Variants in SCGN observed in about 807,000 individuals in gnomAD.
The protein encoded by SCGN is secretagogin.
Under a neutral mutation model 39.7 loss-of-function variants are expected in SCGN, and 30 were observed. The ratio of observed to expected loss-of-function variants is 0.76; its 90% CI spans 0.57 to 1.03. The LOEUF (loss-of-function observed/expected upper bound fraction) is 1.03, where lower values mean the gene tolerates loss of function less well. Ranked by LOEUF, SCGN falls within the 50% of genes least tolerant of loss-of-function variation. SCGN has a pLI of 0.00. For synonymous variants in SCGN, 106 were observed against 114.1 expected, an observed-to-expected ratio of 0.93 and a Z score of 0.45; for missense variants, 353 against 349.4, an observed-to-expected ratio of 1.01 and a Z score of -0.08.
chr6:25,669,106 G>T (rs1759453163), intron 4 of SCGN, among the ~76,000 whole-genome samples: 1 of 65,604 alleles, frequency 1.5e-5, no homozygotes. Context: ...GCGAGACTCC[G>T]TCTCAAAAAA....
chr6:25,654,466 T>TCTG (rs1009909373), intron 2 of SCGN, among the ~76,000 whole-genome samples: 1 of 152,198 alleles, frequency 6.6e-6, no homozygotes, highest in Non-Finnish European at 1.5e-5. Flanking sequence ...CTGTCATTTT[T>TCTG]CTGCTCACTT....
rs1311541076 is a variant in SCGN at position 25,701,362 on chromosome 6, TA to T, written c.*28del. On this transcript the variant is annotated 3_prime_UTR_variant, in exon 11 of 11. Coordinates refer to ENST00000377961, the MANE Select transcript of SCGN (RefSeq NM_006998.4). ...CCCAGACTGCTTTGCCTTTTGCTCT[TA>T]CTATGTTTCTGTGATCTTGCTGGTA... The T allele has an allele frequency of 6.2e-7, 1 of 1,603,062 alleles. No homozygotes were observed. Among genetic ancestry groups the T allele is most frequent in the Admixed American group, 1.7e-5 (1 of 58,402 alleles).
intron 7 of SCGN, among the ~76,000 whole-genome samples, chr6:25,688,799 C>G: frequency 1.8e-5 from 1 of 57,016 alleles, no homozygotes; most frequent in Non-Finnish European, 4.3e-5. Context: ...GAGATTCTGT[C>G]TCAAAAAAAA....
chr6:25,660,119 G>T (rs114473411), intron 2 of SCGN, among the ~76,000 whole-genome samples: 1 of 152,126 alleles, frequency 6.6e-6, no homozygotes, highest in Non-Finnish European at 1.5e-5. Context: ...TGCCTCCCAG[G>T]GCCGTTGTGA....
intron 6 of SCGN, among the ~76,000 whole-genome samples, chr6:25,672,446 G>C (rs1759512575): frequency 6.6e-6 from 1 of 152,192 alleles, no homozygotes; most frequent in Admixed American, 6.5e-5. Flanking sequence ...TTTGGGGTAG[G>C]GGACTGGGAA....
chr6:25,693,814 A>T (rs1229857077), intron 10 of SCGN, among the ~76,000 whole-genome samples: 1 of 152,188 alleles, frequency 6.6e-6, no homozygotes, highest in African/African-American at 2.4e-5. Flanking sequence ...CGAGCTAAGA[A>T]TTCGGATTCT....
intron 2 of SCGN, among the ~76,000 whole-genome samples, chr6:25,658,059 A>G (rs1760260643): frequency 1.5e-5 from 1 of 68,722 alleles, no homozygotes; most frequent in Non-Finnish European, 2.7e-5. Flanking sequence ...TTTTTTTTTG[A>G]GAGGGAGTGT....
rs1460200805 is a variant in SCGN, at chr6:25,691,066, G to C, written c.644G>C (p.Gly215Ala). The change falls in exon 10 of 11, where the codon GGA (glycine) becomes GCA (alanine). Residue 215 changes from glycine (G) to alanine (A), a missense_variant. Gly to Ala is a moderately conservative substitution (Grantham distance 60). Coordinates refer to ENST00000377961, the MANE Select transcript of SCGN (RefSeq NM_006998.4). ...IFAYYDVSKT[G>A]ALEGPEVDGF... Reference sequence around the variant, plus strand: ...TCTTTTCTTTTTCAGAGTAAAACAGGAGCCCTGGAAGGCCCAGAAGTGGAT... The same window carrying C: ...TCTTTTCTTTTTCAGAGTAAAACAGCAGCCCTGGAAGGCCCAGAAGTGGAT... The C allele has an allele frequency of 6.2e-7, 1 of 1,613,388 alleles. No individual in the cohort carries two copies. The highest frequency in any genetic ancestry group is 8.5e-7 in the Non-Finnish European group (1 of 1,179,632).
intron 4 of SCGN, among the ~76,000 whole-genome samples, chr6:25,666,177 TAAAAAA>T (rs59692433): frequency 8.0e-6 from 1 of 124,586 alleles, no homozygotes. Flanking sequence ...CCATCTCTAC[TAAAAAA>T]AAAAAAAAAA....
At position 25,670,087 on chromosome 6, in the gene SCGN, AGTAAT is replaced by A. The variant is rs779818967; in HGVS notation, c.471+17_471+21del. On this transcript the variant is annotated intron_variant, in intron 6 of 10. Coordinates refer to ENST00000377961, the MANE Select transcript of SCGN (RefSeq NM_006998.4). Reference sequence around the variant, plus strand: ...TACACTGGCACCATGGTAAGTAATGAGTAATGTAATCTCCATGAGGGCAGCTCCCC... The same window carrying A: ...TACACTGGCACCATGGTAAGTAATGAGTAATCTCCATGAGGGCAGCTCCCC... 6.3e-7 allele frequency: 1 copy of A among 1,591,248 alleles called. No homozygotes were observed. The highest frequency in any genetic ancestry group is 1.1e-5 in the South Asian group (1 of 90,612).
At chr6:25,664,192 T>C (rs977727736) in intron 3 of SCGN, among the ~76,000 whole-genome samples, 1 of 152,224 alleles carries the variant, frequency 6.6e-6, no homozygotes. Context: ...GAATTCATCA[T>C]ACTTGAGTCA....
At chr6:25,694,430 G>A (rs534314505) in intron 10 of SCGN, among the ~76,000 whole-genome samples, 2 of 152,270 alleles carry the variant, frequency 1.3e-5, no homozygotes, top group South Asian at 2.1e-4. Flanking sequence ...GATCAGCCTC[G>A]TTCTTCAATG....
intron 10 of SCGN, 47 bp from the exon 11 acceptor site, chr6:25,701,160 G>A: frequency 6.3e-7 from 1 of 1,575,538 alleles, no homozygotes; most frequent in Non-Finnish European, 8.6e-7. Context: ...TAAAGGGTGA[G>A]AACACCATTG....
intron 6 of SCGN, among the ~76,000 whole-genome samples, chr6:25,675,832 C>G (rs1759557097): frequency 6.6e-6 from 1 of 152,206 alleles, no homozygotes; most frequent in Non-Finnish European, 1.5e-5. Context: ...CACTCTCACT[C>G]TTGGTGATCT....
In SCGN at chr6:25,652,443, G is replaced by A. The variant is rs1411597368; in HGVS notation, c.40G>A (p.Ala14Thr). ...SREPTLGRLD[A>T]AGFWQVWQRF... is the part of the protein sequence containing the mutation. Reference sequence around the variant, plus strand: ...GGAACCGACTCTGGGGCGCTTGGACGCCGCTGGCTTCTGGCAGGTCTGGCA... The same window carrying A: ...GGAACCGACTCTGGGGCGCTTGGACACCGCTGGCTTCTGGCAGGTCTGGCA... The change falls in exon 1 of 11, where the codon GCC (alanine) becomes ACC (threonine). Residue 14 changes from alanine (A) to threonine (T), a missense_variant. Ala to Thr is a moderately conservative substitution (Grantham distance 58). Coordinates refer to ENST00000377961, the MANE Select transcript of SCGN (RefSeq NM_006998.4). 6.2e-7 allele frequency: 1 copy of A among 1,614,152 alleles called. No individual in the cohort carries two copies. The highest frequency in any genetic ancestry group is 8.5e-7 in the Non-Finnish European group (1 of 1,180,022).
chr6:25,665,016 G>T lies in SCGN; in HGVS notation c.320G>T (p.Ser107Ile). 1 of 1,613,770 alleles carries T rather than the reference G, an allele frequency of 6.2e-7. No individual in the cohort carries two copies. Among genetic ancestry groups the T allele is most frequent in the African/African-American group, 1.3e-5 (1 of 75,024 alleles). Residue 107 changes from serine (S) to isoleucine (I), a missense_variant, in exon 4 of 11, where the codon AGC (serine) becomes ATC (isoleucine). Physicochemically the swap from Ser to Ile is moderately radical, Grantham distance 142. Coordinates refer to ENST00000377961, the MANE Select transcript of SCGN (RefSeq NM_006998.4). Reference sequence around the variant, plus strand: ...CGCCGGGAAAACCCACTGGACAGCAGCGTGGAGTTTATGCAGGTGAGTGCT... The same window carrying T: ...CGCCGGGAAAACCCACTGGACAGCATCGTGGAGTTTATGCAGGTGAGTGCT... ...LFRRENPLDS[S>I]VEFMQIWRKY... is the part of the protein sequence containing the mutation.
At position 25,661,819 on chromosome 6, in the gene SCGN, C is replaced by G. The variant is rs527237492; in HGVS notation, c.246+175C>G. Among the ~76,000 whole-genome samples, 4 of 152,238 alleles carry G rather than the reference C, an allele frequency of 2.6e-5. No individual in the cohort carries two copies. The East Asian group carries it at 7.7e-4, about 29-fold the overall frequency. On this transcript the variant is annotated intron_variant, in intron 3 of 10. Coordinates refer to ENST00000377961, the MANE Select transcript of SCGN (RefSeq NM_006998.4). ...TAGATAGCATTTTAAAAGTAATCACCTCTCCTTTTTCATCTACTTAGTAAC... is the reference window on the plus strand; with the variant it reads ...TAGATAGCATTTTAAAAGTAATCACGTCTCCTTTTTCATCTACTTAGTAAC...
At chr6:25,679,780 G>C (rs184895937) in intron 6 of SCGN, among the ~76,000 whole-genome samples, 1 of 152,178 alleles carries the variant, frequency 6.6e-6, no homozygotes, top group Non-Finnish European at 1.5e-5. Context: ...GGAAATCCAC[G>C]TAGAGTCTTT....
intron 3 of SCGN, among the ~76,000 whole-genome samples, chr6:25,662,410 A>G (rs778254948): frequency 6.6e-6 from 1 of 152,190 alleles, no homozygotes; most frequent in Non-Finnish European, 1.5e-5. Context: ...TATAGATATG[A>G]ATCTATACAG....
Sources: gnomAD v4.1 joint callset for allele counts (sites outside exome capture counted in the v4.1 genomes callset) on GRCh38, gnomAD v4.1.1 for gene constraint, MANE v1.5 for transcripts, NCBI Gene and HGNC (gene_info 2026-07-23, HGNC 2026-07-21) for gene names.